The following SHISA9 variants were observed in gnomAD, a reference collection of about 807,000 sequenced individuals.
SHISA9 encodes shisa family member 9, also known as protein shisa-9.
SHISA9 carries 13 observed loss-of-function variants against 38.0 expected under a neutral mutation model. That is an observed-to-expected ratio of 0.34 (90% CI 0.22 to 0.54). SHISA9 has a LOEUF of 0.54. Among genes scored for constraint, SHISA9 ranks in the 20% least tolerant of loss-of-function variants. The probability of loss-of-function intolerance (pLI) is 0.91; values close to 1 mark genes in which losing one functional copy is unlikely to be tolerated. For missense variants in SHISA9, 538 were observed against 575.8 expected (o/e 0.93, Z 0.67); for synonymous variants, 275 against 242.0 (o/e 1.14, Z -1.27).
intron 2 of SHISA9, among the ~76,000 whole-genome samples, chr16:13,142,790 C>T (rs765750175): frequency 2.6e-5 from 4 of 152,104 alleles, no homozygotes; most frequent in Non-Finnish European, 5.9e-5. Context: ...GTTGAACACA[C>T]TGAAAGCACA....
At chr16:13,072,559 C>G (rs1035173960) in intron 2 of SHISA9, among the ~76,000 whole-genome samples, 1 of 152,244 alleles carries the variant, frequency 6.6e-6, no homozygotes, top group African/African-American at 2.4e-5. Flanking sequence ...TTAGTTCTAG[C>G]AGCTCCTACG....
At chr16:13,240,557 C>A (rs1373672908), downstream of SHISA9, 1 of 152,200 alleles carries the variant, frequency 6.6e-6, no homozygotes, top group African/African-American at 2.4e-5. Context: ...AAGGCAATTT[C>A]TAGTTAACAG....
At chr16:13,495,168 A>G in the SHISA9 span, among the ~76,000 whole-genome samples, 1 of 152,194 alleles carries the variant, frequency 6.6e-6, no homozygotes, top group African/African-American at 2.4e-5. Flanking sequence ...GAATCTCTAT[A>G]TGGGATAAAA....
the SHISA9 span, among the ~76,000 whole-genome samples, chr16:13,282,120 C>T: frequency 1.3e-5 from 2 of 151,920 alleles, no homozygotes; most frequent in African/African-American, 4.8e-5. Context: ...ATTCAAGTTT[C>T]TATCTGATAT....
the SHISA9 span, among the ~76,000 whole-genome samples, chr16:13,407,235 C>G: frequency 6.6e-6 from 1 of 152,122 alleles, no homozygotes; most frequent in African/African-American, 2.4e-5. Flanking sequence ...CAGGCAGGTT[C>G]AAGGTCAGTT....
At chr16:13,153,094 C>T (rs2050513617) in intron 2 of SHISA9, among the ~76,000 whole-genome samples, 1 of 152,054 alleles carries the variant, frequency 6.6e-6, no homozygotes, top group South Asian at 2.1e-4. Context: ...ATGATCCTAC[C>T]CTCAAGTCTC....
chr16:13,403,254 A>G, the SHISA9 span, among the ~76,000 whole-genome samples: 10 of 152,330 alleles, frequency 6.6e-5, no homozygotes, highest in African/African-American at 2.4e-4. Flanking sequence ...TGCCTGCCCT[A>G]TGTCTATTTC....
the SHISA9 span, among the ~76,000 whole-genome samples, chr16:13,341,201 G>A: frequency 6.6e-6 from 1 of 152,168 alleles, no homozygotes; most frequent in African/African-American, 2.4e-5. Context: ...GAAGAATCAG[G>A]GATGTGTAGA....
At chr16:13,164,676 C>A in intron 2 of SHISA9, among the ~76,000 whole-genome samples, 1 of 152,024 alleles carries the variant, frequency 6.6e-6, no homozygotes, top group East Asian at 1.9e-4. Flanking sequence ...TCACACATTT[C>A]GATATGTTAC....
At chr16:13,253,373 C>T in the SHISA9 span, among the ~76,000 whole-genome samples, 1 of 152,070 alleles carries the variant, frequency 6.6e-6, no homozygotes, top group Admixed American at 6.6e-5. Flanking sequence ...GAACACCTGT[C>T]CAAAGGTACA....
chr16:13,142,980 A>G (rs1282961371), intron 2 of SHISA9, among the ~76,000 whole-genome samples: 1 of 85,992 alleles, frequency 1.2e-5, no homozygotes, highest in African/African-American at 6.0e-5. Flanking sequence ...GAACCTCTGT[A>G]GCTGTTTCCT....
At chr16:12,989,056 T>G (rs1335229852) in intron 2 of SHISA9, among the ~76,000 whole-genome samples, 1 of 152,160 alleles carries the variant, frequency 6.6e-6, no homozygotes, top group African/African-American at 2.4e-5. Flanking sequence ...AGCTAGAAAG[T>G]GGCATTGCTG....
At chr16:13,113,737 G>A (rs181021064) in intron 2 of SHISA9, among the ~76,000 whole-genome samples, 2 of 152,152 alleles carry the variant, frequency 1.3e-5, no homozygotes, top group Admixed American at 6.5e-5. Context: ...GCCTTTTCTG[G>A]CTGTGTTCTT....
At chr16:13,155,589 GGT>G (rs34008707) in intron 2 of SHISA9, among the ~76,000 whole-genome samples, 1 of 151,176 alleles carries the variant, frequency 6.6e-6, no homozygotes, top group Non-Finnish European at 1.5e-5. Flanking sequence ...TTGTGTGTGT[GGT>G]GTGTGTGTGT....
intron 2 of SHISA9, among the ~76,000 whole-genome samples, chr16:13,087,324 C>T (rs2073724516): frequency 6.6e-6 from 1 of 151,920 alleles, no homozygotes; most frequent in African/African-American, 2.4e-5. Context: ...GATTTATAAT[C>T]CTTTGGGTAT....
intron 2 of SHISA9, among the ~76,000 whole-genome samples, chr16:13,050,271 A>G (rs1567195370): frequency 6.6e-6 from 1 of 152,166 alleles, no homozygotes; most frequent in Non-Finnish European, 1.5e-5. Flanking sequence ...CTGGATGAAG[A>G]TATTATGGAT....
At chr16:12,943,324 TGTGTGTGAGAGAGAGA>T (rs2071643747) in intron 2 of SHISA9, among the ~76,000 whole-genome samples, 7 of 21,076 alleles carry the variant, frequency 3.3e-4, no homozygotes, top group African/African-American at 7.1e-4. Context: ...TGTGTGTGTG[TGTGTGTGAGAGAGAGA>T]GAGAGAGAGA....
the SHISA9 span, among the ~76,000 whole-genome samples, chr16:13,306,344 A>G: frequency 6.6e-6 from 1 of 152,212 alleles, no homozygotes; most frequent in African/African-American, 2.4e-5. Flanking sequence ...AGATCACAGG[A>G]AGAAGACTGC....
chr16:13,021,176 C>T (rs537088158), intron 2 of SHISA9, among the ~76,000 whole-genome samples: 2 of 152,308 alleles, frequency 1.3e-5, no homozygotes, highest in South Asian at 4.1e-4. Context: ...AATTTTGCCT[C>T]CCTCCTACCT....
Sources: gnomAD v4.1 joint callset for allele counts (sites outside exome capture counted in the v4.1 genomes callset) on GRCh38, gnomAD v4.1.1 for gene constraint, MANE v1.5 for transcripts, NCBI Gene and HGNC (gene_info 2026-07-23, HGNC 2026-07-21) for gene names.